The following RBFOX1 variants were observed in gnomAD, a reference collection of about 807,000 sequenced individuals.
RBFOX1 encodes RNA binding protein fox-1 homolog 1.
RBFOX1 carries 8 observed loss-of-function variants against 57.7 expected under a neutral mutation model. The ratio of observed to expected loss-of-function variants is 0.14; its 90% CI spans 0.08 to 0.25. The LOEUF (loss-of-function observed/expected upper bound fraction) is 0.25. Among genes scored for constraint, RBFOX1 ranks in the 10% least tolerant of loss-of-function variants. The pLI is 1.00. For synonymous variants in RBFOX1, 326 were observed against 222.4 expected (o/e 1.47, Z -4.15); for missense variants, 611 against 548.5 (o/e 1.11, Z -1.14).
intron 1 of RBFOX1, among the ~76,000 whole-genome samples, chr16:5,335,531 C>G (rs560005905): frequency 6.6e-6 from 1 of 152,012 alleles, no homozygotes; most frequent in South Asian, 2.1e-4. Context: ...TTTTTGTGTT[C>G]AGAGTTTTTC....
At chr16:5,432,804 A>C (rs2067793594) in intron 1 of RBFOX1, among the ~76,000 whole-genome samples, 1 of 151,308 alleles carries the variant, frequency 6.6e-6, no homozygotes. Flanking sequence ...TTCTTTTTTT[A>C]AGACAGGGTC....
intron 2 of RBFOX1, among the ~76,000 whole-genome samples, chr16:6,477,486 T>C (rs2095291956): frequency 6.6e-6 from 1 of 152,172 alleles, no homozygotes; most frequent in Non-Finnish European, 1.5e-5. Context: ...AAAGGAATCC[T>C]TTTTTCTGAA....
At chr16:5,445,880 G>T (rs2068225199) in intron 1 of RBFOX1, among the ~76,000 whole-genome samples, 1 of 152,182 alleles carries the variant, frequency 6.6e-6, no homozygotes. Flanking sequence ...TTTCCTCAGG[G>T]TTAGTTCTTT....
chr16:7,185,402 G>C (rs1332189838), intron 4 of RBFOX1, among the ~76,000 whole-genome samples: 2 of 152,168 alleles, frequency 1.3e-5, no homozygotes, highest in Non-Finnish European at 2.9e-5. Context: ...GACAGAGATG[G>C]ATTACATGGA....
chr16:5,646,988 C>G (rs1019514103), intron 3 of RBFOX1, among the ~76,000 whole-genome samples: 1 of 152,058 alleles, frequency 6.6e-6, no homozygotes, highest in Non-Finnish European at 1.5e-5. Context: ...GCGCAGCCGG[C>G]GGCTGCGATG....
At chr16:6,490,731 C>A (rs1158513780) in intron 2 of RBFOX1, among the ~76,000 whole-genome samples, 7 of 152,156 alleles carry the variant, frequency 4.6e-5, no homozygotes, top group Non-Finnish European at 1.0e-4. Context: ...TGTTGAGCTA[C>A]CTCCTCCCAG....
chr16:6,070,436 A>G (rs2095822034), intron 1 of RBFOX1, among the ~76,000 whole-genome samples: 2 of 152,182 alleles, frequency 1.3e-5, no homozygotes, highest in Non-Finnish European at 2.9e-5. Context: ...AAATTTGGGT[A>G]TTTATAAAGA....
intron 3 of RBFOX1, among the ~76,000 whole-genome samples, chr16:6,847,393 G>T (rs1166486153): frequency 6.6e-6 from 1 of 152,052 alleles, no homozygotes; most frequent in Admixed American, 6.6e-5. Flanking sequence ...ACATTCTGGG[G>T]CCGGGTCTAG....
chr16:7,046,969 C>T (rs1389941261), intron 3 of RBFOX1, among the ~76,000 whole-genome samples: 1 of 151,526 alleles, frequency 6.6e-6, no homozygotes, highest in African/African-American at 2.4e-5. Flanking sequence ...GCACTTCCCT[C>T]CCCCCCAGTT....
intron 4 of RBFOX1, among the ~76,000 whole-genome samples, chr16:7,322,941 T>C (rs1010745062): frequency 2.0e-5 from 3 of 152,192 alleles, no homozygotes; most frequent in African/African-American, 4.8e-5. Context: ...TTGGGAGGCA[T>C]TTCCCCACTT....
At chr16:6,071,122 C>T (rs192429563) in intron 1 of RBFOX1, among the ~76,000 whole-genome samples, 45 of 152,196 alleles carry the variant, frequency 3.0e-4, no homozygotes, top group African/African-American at 1.1e-3. Context: ...CAGGAGTTTT[C>T]TACCAGCCTG....
intron 3 of RBFOX1, among the ~76,000 whole-genome samples, chr16:7,017,049 C>G (rs1441267519): frequency 6.6e-6 from 1 of 152,076 alleles, no homozygotes; most frequent in Non-Finnish European, 1.5e-5. Flanking sequence ...GCCTCTTTCT[C>G]TTTTTTTATT....
intron 4 of RBFOX1, among the ~76,000 whole-genome samples, chr16:7,391,351 C>T (rs895719856): frequency 6.6e-6 from 1 of 152,168 alleles, no homozygotes; most frequent in African/African-American, 2.4e-5. Flanking sequence ...AGAAGTTTCG[C>T]GTCCCAAGAT....
chr16:6,957,971 T>A (rs566305620), intron 3 of RBFOX1, among the ~76,000 whole-genome samples: 1 of 152,164 alleles, frequency 6.6e-6, no homozygotes, highest in East Asian at 1.9e-4. Flanking sequence ...ATTCTCTTGG[T>A]TACACAGGAC....
rs145033327 is a variant in RBFOX1, at chr16:6,970,297, A to G, written c.-15-81760A>G. On this transcript the variant is annotated intron_variant, in intron 3 of 15. Transcript: ENST00000550418. ...CTTTCAATGACCCAACAACATCATC[A>G]CCTAGACTATTTCTGTCCTTTCATT... Among the ~76,000 whole-genome samples, 913 of 152,296 alleles carry G rather than the reference A, an allele frequency of 6.0e-3. 13 individuals carry two copies. The highest frequency in any genetic ancestry group is 0.021 in the African/African-American group (864 of 41,558).
In RBFOX1 at chr16:7,162,093, G is replaced by T. The variant is rs183797384; in HGVS notation, c.27+109995G>T. Among the ~76,000 whole-genome samples the T allele has an allele frequency of 3.5e-4, 53 of 152,294 alleles. No individual in the cohort carries two copies. The East Asian group carries it at 9.5e-3, about 27-fold the overall frequency. On this transcript the variant is annotated intron_variant, in intron 4 of 15. Transcript: ENST00000550418. The stretch of plus-strand genomic sequence containing the variant: ...CAGCCAGCTCCTCACAAGGGAGTTG[G>T]TGTCTTGCCAGAGAAACCCCTCTAA...
intron 3 of RBFOX1, among the ~76,000 whole-genome samples, chr16:5,867,136 G>C (rs961072254): frequency 6.8e-6 from 1 of 146,174 alleles, no homozygotes; most frequent in Admixed American, 6.8e-5. Flanking sequence ...GCTGTGCTTG[G>C]TGGAAGAAAA....
chr16:7,682,233 G>A (rs191348011), intron 14 of RBFOX1, among the ~76,000 whole-genome samples: 2 of 152,242 alleles, frequency 1.3e-5, no homozygotes, highest in African/African-American at 4.8e-5. Flanking sequence ...GCTAGACTCT[G>A]TATCATTTTA....
chr16:6,157,411 A>G (rs1348524819), intron 1 of RBFOX1, among the ~76,000 whole-genome samples: 1 of 152,158 alleles, frequency 6.6e-6, no homozygotes, highest in East Asian at 1.9e-4. Flanking sequence ...TATGGCCTAA[A>G]TATTTCATGA....
Sources: allele counts gnomAD v4.1 joint callset (sites outside exome capture counted in the v4.1 genomes callset), GRCh38; gene constraint gnomAD v4.1.1; transcripts MANE v1.5; gene names NCBI Gene and HGNC (gene_info 2026-07-23, HGNC 2026-07-21).